Variants in ROR1 observed in about 807,000 individuals in gnomAD.
ROR1 encodes ROR family WNT receptor 1, also known as inactive tyrosine-protein kinase transmembrane receptor ROR1.
Under a neutral mutation model 78.8 loss-of-function variants are expected in ROR1, and 19 were observed. The ratio of observed to expected loss-of-function variants is 0.24; its 90% CI spans 0.17 to 0.35. ROR1 has a LOEUF of 0.35. Ranked by LOEUF, ROR1 falls within the 10% of genes least tolerant of loss-of-function variation. ROR1 has a pLI of 1.00. For synonymous variants in ROR1, 386 were observed against 433.6 expected (o/e 0.89, Z 1.36); for missense variants, 917 against 1,177.8 (o/e 0.78, Z 3.24).
At chr1:64,139,651 C>A (rs1417218066) in intron 5 of ROR1, among the ~76,000 whole-genome samples, 2 of 152,110 alleles carry the variant, frequency 1.3e-5, no homozygotes, top group African/African-American at 4.8e-5. Flanking sequence ...GCAAGTTACC[C>A]TAAGTCATCC....
intron 4 of ROR1, among the ~76,000 whole-genome samples, chr1:64,061,535 T>A (rs1169255473): frequency 2.0e-5 from 3 of 152,180 alleles, no homozygotes; most frequent in African/African-American, 7.2e-5. Flanking sequence ...CCTGGGGTTG[T>A]TATTAAAATG....
At chr1:63,792,442 C>G (rs1487366352) in intron 1 of ROR1, among the ~76,000 whole-genome samples, 1 of 152,104 alleles carries the variant, frequency 6.6e-6, no homozygotes, top group Non-Finnish European at 1.5e-5. Context: ...GAGCAGTTCT[C>G]ATTTACATGG....
chr1:64,099,924 G>A lies in ROR1; in HGVS notation c.483-37445G>A, dbSNP rs560401696. On this transcript the variant is annotated intron_variant, in intron 4 of 8. Transcript: ENST00000371079. ...ACAAAAATTAGCTGGACGTGGTGGC[G>A]CGTGCCTGTAGTCCCAGCTACTCAG... 2.5e-4 allele frequency among the ~76,000 whole-genome samples: 38 copies of A among 152,150 alleles called. No homozygotes were observed. The South Asian group carries it at 5.2e-3, about 21-fold the overall frequency.
At chr1:63,798,566 T>A (rs540618521) in intron 1 of ROR1, among the ~76,000 whole-genome samples, 1 of 152,288 alleles carries the variant, frequency 6.6e-6, no homozygotes, top group East Asian at 1.9e-4. Flanking sequence ...TGTCCACCCA[T>A]CACTTTGCCT....
chr1:63,781,534 A>T (rs1005935176), intron 1 of ROR1, among the ~76,000 whole-genome samples: 2 of 152,204 alleles, frequency 1.3e-5, no homozygotes, highest in African/African-American at 4.8e-5. Context: ...ACAGGCAACT[A>T]TCTCTCCCAC....
chr1:63,892,183 T>G (rs761113783), intron 1 of ROR1, among the ~76,000 whole-genome samples: 1 of 152,188 alleles, frequency 6.6e-6, no homozygotes, highest in African/African-American at 2.4e-5. Flanking sequence ...AAGACACAGT[T>G]CATTTCCTTG....
chr1:63,945,706 C>T (rs1455001891), intron 1 of ROR1, among the ~76,000 whole-genome samples: 1 of 152,328 alleles, frequency 6.6e-6, no homozygotes, highest in South Asian at 2.1e-4. Context: ...CTTGCCTTCT[C>T]TTCTGCATTC....
chr1:64,165,492 A>G (rs1484932902), intron 8 of ROR1, among the ~76,000 whole-genome samples: 1 of 151,390 alleles, frequency 6.6e-6, no homozygotes, highest in African/African-American at 2.4e-5. Flanking sequence ...AGTTTGCAAA[A>G]TTTTTCTCCC....
intron 1 of ROR1, among the ~76,000 whole-genome samples, chr1:63,811,872 G>A (rs1644861965): frequency 6.6e-6 from 1 of 151,990 alleles, no homozygotes; most frequent in Non-Finnish European, 1.5e-5. Context: ...GAGAAGAGCT[G>A]CCTCACTTTG....
intron 1 of ROR1, among the ~76,000 whole-genome samples, chr1:63,781,514 A>T (rs1374279422): frequency 6.6e-6 from 1 of 152,196 alleles, no homozygotes; most frequent in African/African-American, 2.4e-5. Context: ...CAATGAGCAG[A>T]TGTGGTACCA....
At chr1:63,849,992 A>G (rs554559563) in intron 1 of ROR1, among the ~76,000 whole-genome samples, 23 of 152,214 alleles carry the variant, frequency 1.5e-4, no homozygotes, top group Non-Finnish European at 3.2e-4. Context: ...TTTCTTCTCC[A>G]GAGATAATCT....
intron 1 of ROR1, among the ~76,000 whole-genome samples, chr1:63,944,161 A>G (rs1005576015): frequency 2.0e-5 from 3 of 152,204 alleles, no homozygotes; most frequent in Non-Finnish European, 2.9e-5. Flanking sequence ...ACTTGCTGGA[A>G]TGTGAGTCTT....
intron 1 of ROR1, among the ~76,000 whole-genome samples, chr1:63,908,573 A>G (rs1191004782): frequency 1.3e-5 from 2 of 152,206 alleles, no homozygotes; most frequent in Non-Finnish European, 2.9e-5. Context: ...ATTCACCAGA[A>G]TGTTCTTAAT....
intron 7 of ROR1, among the ~76,000 whole-genome samples, chr1:64,147,407 C>T (rs1649504304): frequency 6.6e-6 from 1 of 152,068 alleles, no homozygotes; most frequent in Non-Finnish European, 1.5e-5. Context: ...AAAGCAGTTC[C>T]TCTTGAATTC....
chr1:64,067,444 C>CAAAAAAA (rs58105318), intron 4 of ROR1, among the ~76,000 whole-genome samples: 1 of 57,466 alleles, frequency 1.7e-5, no homozygotes. Context: ...GCCTCCGTCT[C>CAAAAAAA]AAAAAAAAAA....
Position 63,830,105 on chromosome 1 carries a change from T to C in ROR1, c.91+55597T>C, listed in dbSNP as rs115365379. Among the ~76,000 whole-genome samples the C allele has an allele frequency of 6.8e-3, 1,028 of 152,230 alleles. 8 individuals are homozygous for C. The highest frequency in any genetic ancestry group is 0.011 in the Non-Finnish European group (750 of 68,020). Reference sequence around the variant, plus strand: ...ACATGGGTAACGCTAGAGACATATATGTTTGCATTAACTTTTACGCCACTG... The same window carrying C: ...ACATGGGTAACGCTAGAGACATATACGTTTGCATTAACTTTTACGCCACTG... On this transcript the variant is annotated intron_variant, in intron 1 of 8. Transcript: ENST00000371079.
chr1:64,177,406 G>A (rs980124313), intron 8 of ROR1, 22 bp from the exon 9 acceptor site: 28 of 1,572,912 alleles, frequency 1.8e-5, no homozygotes, highest in African/African-American at 2.7e-5. Context: ...TTTAAACCAC[G>A]TTTTTCCTCT....
chr1:64,002,534 A>G (rs1314962027), intron 1 of ROR1, among the ~76,000 whole-genome samples: 2 of 152,208 alleles, frequency 1.3e-5, no homozygotes, highest in African/African-American at 2.4e-5. Context: ...GAGCCCAAGT[A>G]TGATAGTTTT....
intron 1 of ROR1, among the ~76,000 whole-genome samples, chr1:63,857,746 A>G (rs1001324231): frequency 9.2e-5 from 14 of 152,208 alleles, no homozygotes; most frequent in African/African-American, 3.4e-4. Flanking sequence ...GATCTTTAAG[A>G]GTCGGTAGAA....
Sources: gnomAD v4.1 joint callset for allele counts (sites outside exome capture counted in the v4.1 genomes callset) on GRCh38, gnomAD v4.1.1 for gene constraint, MANE v1.5 for transcripts, NCBI Gene and HGNC (gene_info 2026-07-23, HGNC 2026-07-21) for gene names.